SLC66A2: variants seen among roughly 807,000 people sequenced by gnomAD.
The protein encoded by SLC66A2 is solute carrier family 66 member 2, also known as PQ loop repeat containing 1.
A neutral mutation model predicts 25.5 loss-of-function variants in SLC66A2; 23 were observed. That is an observed-to-expected ratio of 0.90 (90% CI 0.65 to 1.28). The LOEUF (loss-of-function observed/expected upper bound fraction) is 1.28. Ranked by LOEUF, SLC66A2 falls within the 50% of genes most tolerant of loss-of-function variation. The pLI is 0.00. For synonymous variants in SLC66A2, 193 were observed against 166.5 expected, an observed-to-expected ratio of 1.16 and a Z score of -1.23; for missense variants, 396 against 373.1, an observed-to-expected ratio of 1.06 and a Z score of -0.51.
intron 5 of SLC66A2, among the ~76,000 whole-genome samples, chr18:79,909,344 G>A (rs1411090140): frequency 6.6e-6 from 1 of 152,142 alleles, no homozygotes; most frequent in Non-Finnish European, 1.5e-5. Flanking sequence ...CCAGATCTAT[G>A]CATGTGTAGT....
intron 2 of SLC66A2, chr18:79,944,803 C>G (rs921874521): frequency 6.5e-6 from 1 of 152,740 alleles, no homozygotes; most frequent in Non-Finnish European, 1.5e-5. Context: ...ACCACAGCCC[C>G]CACCTCTCTC....
chr18:79,905,676 T>G (rs535805969), intron 5 of SLC66A2, among the ~76,000 whole-genome samples: 2 of 152,364 alleles, frequency 1.3e-5, no homozygotes, highest in Non-Finnish European at 1.5e-5. Context: ...GAAACAGAGC[T>G]CGCCTGACCC....
intron 5 of SLC66A2, among the ~76,000 whole-genome samples, chr18:79,912,226 A>G (rs562537704): frequency 1.2e-4 from 18 of 152,048 alleles, no homozygotes; most frequent in African/African-American, 4.3e-4. Flanking sequence ...AAACAGGGTC[A>G]CATCCAACCG....
At chr18:79,935,137 G>T (rs1056091441) in intron 3 of SLC66A2, among the ~76,000 whole-genome samples, 29 of 151,352 alleles carry the variant, frequency 1.9e-4, no homozygotes, top group African/African-American at 6.8e-4. Flanking sequence ...CAAGGGGTGG[G>T]AGGGAGGGAC....
chr18:79,948,365 C>CT lies in SLC66A2; in HGVS notation c.203+2358dup, dbSNP rs918307947. Among the ~76,000 whole-genome samples the CT allele has an allele frequency of 2.0e-5, 3 of 152,236 alleles. No individual in the cohort carries two copies. In the South Asian group the frequency reaches 6.2e-4, roughly 32 times the overall value. On this transcript the variant is annotated intron_variant, in intron 2 of 5. Coordinates refer to ENST00000397778, the MANE Select transcript of SLC66A2 (RefSeq NM_025078.5). ...GGACATTAGATAGATTCTTTTCTTTCTTTTTTTGAGACAGGGTCTCTCTCT... is the reference window on the plus strand; with the variant it reads ...GGACATTAGATAGATTCTTTTCTTTCTTTTTTTTGAGACAGGGTCTCTCTCT...
At chr18:79,942,797 G>A (rs2144945566) in intron 3 of SLC66A2, among the ~76,000 whole-genome samples, 1 of 152,356 alleles carries the variant, frequency 6.6e-6, no homozygotes, top group South Asian at 2.1e-4. Context: ...TGCTAAGCAT[G>A]TGATTGGTCC....
chr18:79,911,615 G>A (rs766301282), intron 5 of SLC66A2, among the ~76,000 whole-genome samples: 2 of 152,234 alleles, frequency 1.3e-5, no homozygotes. Context: ...TGCTGGCTGC[G>A]GGGACATTCC....
intron 4 of SLC66A2, among the ~76,000 whole-genome samples, chr18:79,928,995 C>A (rs531487425): frequency 3.3e-5 from 5 of 152,256 alleles, no homozygotes; most frequent in African/African-American, 1.2e-4. Context: ...CTGGGGATGG[C>A]GGTATCAGGA....
At chr18:79,921,884 A>AGAAGTCAAGGTC (rs1345912618) in intron 4 of SLC66A2, among the ~76,000 whole-genome samples, 93 of 5,822 alleles carry the variant, frequency 0.016, 36 homozygotes, top group East Asian at 1. Flanking sequence ...GAGAGACGGG[A>AGAAGTCAAGGTC]ACCGAGGGAG....
intron 5 of SLC66A2, among the ~76,000 whole-genome samples, chr18:79,913,438 G>A (rs1173101202): frequency 6.6e-6 from 1 of 152,254 alleles, no homozygotes; most frequent in Non-Finnish European, 1.5e-5. Flanking sequence ...TTCGGAGCCT[G>A]CTGTGTTAAT....
rs1224046428 is a variant in SLC66A2, at chr18:79,937,549, G to A, written c.338-3527C>T. ...GTGGATAGCTGAACAATGGGTACCC[G>A]CCCATTTCTCTGCAGAGGGGCTCCA... On this transcript the variant is annotated intron_variant, in intron 3 of 5. Coordinates refer to ENST00000397778, the MANE Select transcript of SLC66A2 (RefSeq NM_025078.5). This position sits in a 1 kb window ranked among gnomAD's most constrained non-coding sequence, Gnocchi z 5.4. 2.0e-5 allele frequency among the ~76,000 whole-genome samples: 3 copies of A among 152,126 alleles called. No homozygotes were observed. Among genetic ancestry groups the A allele is most frequent in the African/African-American group, 4.8e-5 (2 of 41,506 alleles).
Position 79,903,952 on chromosome 18 carries a change from C to T in SLC66A2, c.*24G>A, listed in dbSNP as rs1981613419. ...CCCACCAGTGCCCGCGGCTGGCGGT[C>T]CCACATCCTCGTCCTCCCCACTGTC... On this transcript the variant is annotated 3_prime_UTR_variant, in exon 6 of 6. Coordinates refer to ENST00000397778, the MANE Select transcript of SLC66A2 (RefSeq NM_025078.5). The T allele has an allele frequency of 6.4e-7, 1 of 1,573,834 alleles. No individual in the cohort carries two copies. Among genetic ancestry groups the T allele is most frequent in the Non-Finnish European group, 8.6e-7 (1 of 1,162,596 alleles).
chr18:79,905,615 C>T (rs146370964), intron 5 of SLC66A2, among the ~76,000 whole-genome samples: 15 of 152,384 alleles, frequency 9.8e-5, no homozygotes, highest in African/African-American at 2.6e-4. Flanking sequence ...ACCCCGCCAC[C>T]GGTCACCTTC....
chr18:79,942,499 C>G (rs575693892), intron 3 of SLC66A2, among the ~76,000 whole-genome samples: 2 of 152,186 alleles, frequency 1.3e-5, no homozygotes, highest in South Asian at 2.1e-4. Flanking sequence ...CACAGCTCCC[C>G]GGCAAGAGCT....
chr18:79,948,715 C>T (rs1002126769), intron 2 of SLC66A2, among the ~76,000 whole-genome samples: 16 of 152,144 alleles, frequency 1.1e-4, no homozygotes, highest in Non-Finnish European at 1.5e-4. Flanking sequence ...ACTTCTTTCC[C>T]GTATGGTTAT....
rs550113489 is a variant in SLC66A2 at position 79,927,822 on chromosome 18, C to T, written c.391+6147G>A. On this transcript the variant is annotated intron_variant, in intron 4 of 5. Coordinates refer to ENST00000397778, the MANE Select transcript of SLC66A2 (RefSeq NM_025078.5). This position sits in a 1 kb window ranked among gnomAD's most constrained non-coding sequence, Gnocchi z 6.2. Reference sequence around the variant, plus strand: ...AAGCAACTGCCGAGACAGGTGTCCGCGTCCCAACCCAAGGCTGCCCAGACA... The same window carrying T: ...AAGCAACTGCCGAGACAGGTGTCCGTGTCCCAACCCAAGGCTGCCCAGACA... Among the ~76,000 whole-genome samples, 2 of 152,226 alleles carry T rather than the reference C, an allele frequency of 1.3e-5. No individual in the cohort carries two copies. The highest frequency in any genetic ancestry group is 2.9e-5 in the Non-Finnish European group (2 of 68,040).
chr18:79,911,929 G>C (rs1599504483), intron 5 of SLC66A2, among the ~76,000 whole-genome samples: 1 of 137,140 alleles, frequency 7.3e-6, no homozygotes, highest in East Asian at 2.3e-4. Flanking sequence ...CGGGAGCAGG[G>C]AGGGGACAGC....
At chr18:79,905,965 G>A (rs1475525954) in intron 5 of SLC66A2, among the ~76,000 whole-genome samples, 1 of 152,172 alleles carries the variant, frequency 6.6e-6, no homozygotes, top group Non-Finnish European at 1.5e-5. Context: ...TTCCTTCATA[G>A]ATACGGGTTA....
At chr18:79,922,889 G>C (rs1170358998) in intron 4 of SLC66A2, among the ~76,000 whole-genome samples, 1 of 146,276 alleles carries the variant, frequency 6.8e-6, no homozygotes, top group African/African-American at 2.6e-5. Flanking sequence ...GGGCAGAGAG[G>C]CCAGGGGTGT....
Sources: allele counts gnomAD v4.1 joint callset (sites outside exome capture counted in the v4.1 genomes callset), GRCh38; gene constraint gnomAD v4.1.1; non-coding constraint Gnocchi (gnomAD v3.1); transcripts MANE v1.5; gene names NCBI Gene and HGNC (gene_info 2026-07-23, HGNC 2026-07-21).